VEZF1: variants seen among roughly 807,000 people sequenced by gnomAD.
VEZF1 encodes the protein vascular endothelial zinc finger 1.
VEZF1 carries 5 observed loss-of-function variants against 44.1 expected under a neutral mutation model. The observed-to-expected ratio is 0.11, with a 90% CI of 0.06 to 0.24. The LOEUF is 0.24. VEZF1 is among the 10% of genes least tolerant of loss of function. VEZF1 has a pLI of 1.00. For missense variants in VEZF1, 358 were observed against 641.8 expected (o/e 0.56, Z 4.78); for synonymous variants, 236 against 233.1 (o/e 1.01, Z -0.11).
At chr17:57,987,816 A>AGTGTGTGTGT (rs890111460) in intron 1 of VEZF1, among the ~76,000 whole-genome samples, 1 of 150,476 alleles carries the variant, frequency 6.6e-6, no homozygotes, top group Non-Finnish European at 1.5e-5. Flanking sequence ...GGTGTGTGTG[A>AGTGTGTGTGT]GTGTGTGTGT....
chr17:57,975,789 C>A (rs1294448434), intron 5 of VEZF1, among the ~76,000 whole-genome samples: 1 of 152,020 alleles, frequency 6.6e-6, no homozygotes, highest in Non-Finnish European at 1.5e-5. Flanking sequence ...CCTTCTTATC[C>A]AACAAAACCT....
chr17:57,979,087 C>CA (rs1397880357), intron 5 of VEZF1, 65 bp downstream of exon 5: 1 of 1,558,796 alleles, frequency 6.4e-7, no homozygotes, highest in East Asian at 2.3e-5. Flanking sequence ...CTACTTTGAT[C>CA]ACTTGGCATA....
At chr17:57,985,533 A>G (rs1598050494) in intron 1 of VEZF1, 3 of 817,908 alleles carry the variant, frequency 3.7e-6, no homozygotes, top group East Asian at 1.3e-4. Flanking sequence ...TTTTAAAAAT[A>G]TAACTTCTGG....
Position 57,988,230 on chromosome 17 carries a change from A to C in VEZF1, c.-119T>G. The C allele has an allele frequency of 1.6e-5, 3 of 186,904 alleles. No homozygotes were observed. The highest frequency in any genetic ancestry group is 2.2e-5 in the Non-Finnish European group (2 of 92,042). The allele number at this position is 186,904 out of a possible 1,614,324, so 11.6% of individuals were successfully genotyped here. A position where few individuals can be genotyped will look rare whatever the true frequency, so the allele number is the denominator to read the frequency against. On this transcript the variant is annotated 5_prime_UTR_variant, in exon 1 of 6. Transcript: ENST00000581208. ...CGGCAACGGCAGCGGCGGCTCCTCA[A>C]CATGGCAGCGCCGAGCGCGGCCACT...
At position 57,988,061 on chromosome 17, in the gene VEZF1, C is replaced by G. The variant is rs747560043; in HGVS notation, c.33+18G>C. 4 of 410,688 alleles carry G rather than the reference C, an allele frequency of 9.7e-6. No individual in the cohort carries two copies. Among genetic ancestry groups the G allele is most frequent in the Non-Finnish European group, 1.4e-5 (4 of 277,542 alleles). The allele number at this position is 410,688 out of a possible 1,614,324, so 25.4% of individuals were successfully genotyped here. On this transcript the variant is annotated intron_variant, in intron 1 of 5. Transcript: ENST00000581208. ...CCCCCCTGTCCCCCCCGTGCCCCCCCGGGGGGGCCCCCAGTACCTGGAACA... is the reference window on the plus strand; with the variant it reads ...CCCCCCTGTCCCCCCCGTGCCCCCCGGGGGGGGCCCCCAGTACCTGGAACA...
In VEZF1 at chr17:57,979,247, TGCTGC is replaced by T. The variant is rs761086295; in HGVS notation, c.1038_1042del (p.Gln347AlafsTer27). The T allele has an allele frequency of 2.3e-5, 37 of 1,575,574 alleles. No homozygotes were observed. Among genetic ancestry groups the T allele is most frequent in the South Asian group, 1.9e-4 (17 of 89,230 alleles). On this transcript the variant is annotated frameshift_variant, in exon 5 of 6. Transcript: ENST00000581208. LOFTEE classifies it high-confidence loss of function. ...CACATGTTGTTGTTGTTGTTGTTGC[TGCTGC>T]TGCTGCTGCTGCTGCTGCTGCTGCT...
intron 1 of VEZF1, among the ~76,000 whole-genome samples, chr17:57,987,414 A>G (rs1012277693): frequency 2.6e-5 from 4 of 152,056 alleles, no homozygotes; most frequent in Admixed American, 6.5e-5. Flanking sequence ...ATCCAGTGAA[A>G]AAGTTTGGGG....
At chr17:57,977,094 C>A (rs867559492) in intron 5 of VEZF1, among the ~76,000 whole-genome samples, 3 of 152,144 alleles carry the variant, frequency 2.0e-5, no homozygotes, top group Non-Finnish European at 2.9e-5. Context: ...CGTCCCCTCT[C>A]CCCATTCTAA....
chr17:57,987,171 CT>C (rs1567742337), intron 1 of VEZF1, among the ~76,000 whole-genome samples: 1 of 152,168 alleles, frequency 6.6e-6, no homozygotes, highest in Non-Finnish European at 1.5e-5. Flanking sequence ...TGTAAGCGGA[CT>C]TTGTTTGCTC....
chr17:57,981,228 T>A (rs1293132666), intron 3 of VEZF1, among the ~76,000 whole-genome samples: 2 of 152,226 alleles, frequency 1.3e-5, no homozygotes, highest in African/African-American at 4.8e-5. Context: ...TCCAATTAGA[T>A]CTTTCTTAGC....
At chr17:57,980,925 G>C in intron 3 of VEZF1, 139 bp from the exon 4 acceptor site, 1 of 767,652 alleles carries the variant, frequency 1.3e-6, no homozygotes, top group Non-Finnish European at 2.1e-6. Context: ...ATGTTACCTA[G>C]AATCATAATC....
intron 5 of VEZF1, among the ~76,000 whole-genome samples, chr17:57,975,823 G>A (rs2075185071): frequency 6.6e-6 from 1 of 152,048 alleles, no homozygotes; most frequent in African/African-American, 2.4e-5. Context: ...TCTGAGACAG[G>A]GTCTCCTTCT....
intron 5 of VEZF1, among the ~76,000 whole-genome samples, chr17:57,976,645 T>G (rs2075194293): frequency 1.3e-5 from 2 of 152,174 alleles, no homozygotes; most frequent in Admixed American, 1.3e-4. Flanking sequence ...AATGTGACAT[T>G]TACTAACATG....
chr17:57,980,892 A>C, intron 3 of VEZF1, 106 bp from the exon 4 acceptor site: 1 of 1,103,266 alleles, frequency 9.1e-7, no homozygotes, highest in Non-Finnish European at 1.3e-6. Context: ...GCAAGCTGAC[A>C]ACTAGTTGAA....
chr17:57,985,290 A>C (rs946409800), intron 1 of VEZF1: 70 of 1,231,510 alleles, frequency 5.7e-5, no homozygotes, highest in Non-Finnish European at 7.0e-5. Flanking sequence ...TGGCAACATA[A>C]AGTATTTTTA....
chr17:57,979,294 G>C lies in VEZF1; in HGVS notation c.996C>G (p.Thr332=). ...GISKTCMSEE[T]SNQKQQQQQQ... ...GCTGCTGCTGCTGCTTTTGGTTACT[G>C]GTCTCTTCACTCATGCATGCTATTA... The change falls in exon 5 of 6, where the codon ACC becomes ACG. Residue 332 remains threonine, a synonymous_variant. Coordinates refer to ENST00000581208, the MANE Select transcript of VEZF1 (RefSeq NM_007146.3). 2 of 1,613,094 alleles carry C rather than the reference G, an allele frequency of 1.2e-6. No individual in the cohort carries two copies. The highest frequency in any genetic ancestry group is 1.3e-5 in the African/African-American group (1 of 74,816).
At position 57,974,700 on chromosome 17, in the gene VEZF1, T is replaced by A. The variant is rs1462855969; in HGVS notation, c.1339A>T (p.Thr447Ser). The A allele has an allele frequency of 6.2e-7, 1 of 1,613,974 alleles. No homozygotes were observed. Among genetic ancestry groups the A allele is most frequent in the Non-Finnish European group, 8.5e-7 (1 of 1,180,024 alleles). The change falls in exon 6 of 6, where the codon ACT (threonine) becomes TCT (serine). Residue 447 changes from threonine to serine, a missense_variant. Coordinates refer to ENST00000581208, the MANE Select transcript of VEZF1 (RefSeq NM_007146.3). ...TSPMNIGHPV[T>S]ITSPLSMTSP... ...GTCATGGATAATGGACTGGTTATAG[T>A]TACAGGATGCCCTATGTTCATTGGG...
rs1405867523 is a variant in VEZF1, at chr17:57,983,016, T to C, written c.411A>G (p.Ser137=). The C allele has an allele frequency of 6.2e-7, 1 of 1,614,198 alleles. No homozygotes were observed. Among genetic ancestry groups the C allele is most frequent in the Non-Finnish European group, 8.5e-7 (1 of 1,180,020 alleles). Residue 137 remains serine, a synonymous_variant, in exon 2 of 6, where the codon TCA becomes TCG. Coordinates refer to ENST00000581208, the MANE Select transcript of VEZF1 (RefSeq NM_007146.3). Reference sequence around the variant, plus strand: ...TGCCCGAGGAAGATGTAGTGACTGTTGACAAGATGCCTGCAATGGTCGAGA... The same window carrying C: ...TGCCCGAGGAAGATGTAGTGACTGTCGACAAGATGCCTGCAATGGTCGAGA... ...SLVSTIAGIL[S]TVTTSSSGTN... is the part of the protein sequence containing the mutation.
At chr17:57,981,111 T>G (rs2075246202) in intron 3 of VEZF1, among the ~76,000 whole-genome samples, 1 of 152,220 alleles carries the variant, frequency 6.6e-6, no homozygotes, top group African/African-American at 2.4e-5. Flanking sequence ...ATCTGAAAGC[T>G]TCTTCATCTG....
Sources: allele counts gnomAD v4.1 joint callset (sites outside exome capture counted in the v4.1 genomes callset), GRCh38; gene constraint gnomAD v4.1.1; transcripts MANE v1.5; gene names NCBI Gene and HGNC (gene_info 2026-07-23, HGNC 2026-07-21).